The following CHST11 variants were observed in gnomAD, a reference collection of about 807,000 sequenced individuals.
The protein encoded by CHST11 is carbohydrate sulfotransferase 11.
A neutral mutation model predicts 30.4 loss-of-function variants in CHST11; 9 were observed. The ratio of observed to expected loss-of-function variants is 0.30; its 90% CI spans 0.18 to 0.52. The LOEUF is 0.52. CHST11 is among the 20% of genes least tolerant of loss of function. The pLI is 0.97. For synonymous variants in CHST11, 152 were observed against 187.8 expected, an observed-to-expected ratio of 0.81 and a Z score of 1.56; for missense variants, 348 against 460.6, an observed-to-expected ratio of 0.76 and a Z score of 2.24.
chr12:104,759,316 T>G lies in CHST11; in HGVS notation c.*1513T>G, dbSNP rs1014478472. On this transcript the variant is annotated 3_prime_UTR_variant, in exon 3 of 3. Transcript: ENST00000303694. ...GGAAGCCTGGAAACTTTTCATTTCC[T>G]GTTCCTTGCTAATTAACATCTAAAC... is the stretch of plus-strand genomic sequence containing the variant. The G allele has an allele frequency of 6.6e-6, 1 of 152,212 alleles. No homozygotes were observed. The highest frequency in any genetic ancestry group is 1.5e-5 in the Non-Finnish European group (1 of 68,032). 9.4% of individuals were successfully genotyped at this position (152,212 alleles called of 1,614,324 possible).
chr12:104,640,773 A>G (rs1809682838), intron 2 of CHST11, among the ~76,000 whole-genome samples: 1 of 152,182 alleles, frequency 6.6e-6, no homozygotes, highest in Non-Finnish European at 1.5e-5. Context: ...CAACATATGT[A>G]CCACACCAAT....
intron 2 of CHST11, among the ~76,000 whole-genome samples, chr12:104,646,647 C>T (rs889517395): frequency 9.2e-5 from 14 of 151,802 alleles, no homozygotes; most frequent in Admixed American, 6.6e-4. Flanking sequence ...TGCAGTGAGC[C>T]GAGATTGCGC....
intron 1 of CHST11, among the ~76,000 whole-genome samples, chr12:104,589,904 G>T (rs1223326023): frequency 6.6e-6 from 1 of 152,154 alleles, no homozygotes; most frequent in Non-Finnish European, 1.5e-5. Flanking sequence ...AGCTACTCGG[G>T]AGGCTGAGGC....
intron 2 of CHST11, among the ~76,000 whole-genome samples, chr12:104,667,264 C>T (rs751431954): frequency 1.9e-4 from 29 of 152,074 alleles, no homozygotes; most frequent in Non-Finnish European, 2.5e-4. Flanking sequence ...TTTGGCACCA[C>T]GGAGACCTAC....
chr12:104,583,137 G>A (rs1222784899), intron 1 of CHST11, among the ~76,000 whole-genome samples: 3 of 152,098 alleles, frequency 2.0e-5, no homozygotes, highest in Admixed American at 2.0e-4. Context: ...CAAGGCAACA[G>A]AAATCTTGTA....
intron 1 of CHST11, among the ~76,000 whole-genome samples, chr12:104,503,230 A>T (rs2037869712): frequency 6.6e-6 from 1 of 152,194 alleles, no homozygotes; most frequent in Non-Finnish European, 1.5e-5. Flanking sequence ...ATGACCTCGG[A>T]CAAGTCATTA....
At chr12:104,670,499 ACACT>A (rs1319101476) in intron 2 of CHST11, among the ~76,000 whole-genome samples, 8 of 150,162 alleles carry the variant, frequency 5.3e-5, no homozygotes, top group African/African-American at 1.2e-4. Flanking sequence ...ACACTCATAC[ACACT>A]CACACAAACA....
intron 1 of CHST11, among the ~76,000 whole-genome samples, chr12:104,501,614 A>G (rs905415995): frequency 1.3e-5 from 2 of 152,190 alleles, no homozygotes; most frequent in African/African-American, 4.8e-5. Flanking sequence ...CCTCCTTGGC[A>G]TTTGTGATTA....
At chr12:104,752,710 G>A (rs1372445142) in intron 2 of CHST11, among the ~76,000 whole-genome samples, 2 of 151,990 alleles carry the variant, frequency 1.3e-5, no homozygotes, top group Non-Finnish European at 2.9e-5. Flanking sequence ...TGTATTTTTA[G>A]TACAAATGGG....
intron 2 of CHST11, among the ~76,000 whole-genome samples, chr12:104,735,510 T>A (rs979038692): frequency 6.6e-6 from 1 of 152,034 alleles, no homozygotes. Context: ...AGCCTGGTGG[T>A]GGGGCTGGGT....
At chr12:104,738,860 G>T (rs914578114) in intron 2 of CHST11, among the ~76,000 whole-genome samples, 2 of 152,226 alleles carry the variant, frequency 1.3e-5, no homozygotes, top group Admixed American at 6.5e-5. Context: ...ATCATATCTT[G>T]CTTCAAACTG....
intron 2 of CHST11, among the ~76,000 whole-genome samples, chr12:104,751,388 AGGTTT>A (rs970661397): frequency 1.3e-5 from 2 of 152,248 alleles, no homozygotes; most frequent in African/African-American, 4.8e-5. Flanking sequence ...CTTTAAACAC[AGGTTT>A]GGTTTTGTTT....
intron 2 of CHST11, among the ~76,000 whole-genome samples, chr12:104,655,714 T>G (rs915182391): frequency 6.6e-6 from 1 of 152,192 alleles, no homozygotes; most frequent in Non-Finnish European, 1.5e-5. Flanking sequence ...ATTTTGAACC[T>G]AAGGAACACA....
intron 2 of CHST11, among the ~76,000 whole-genome samples, chr12:104,633,556 A>G (rs1033483353): frequency 6.6e-6 from 1 of 151,702 alleles, no homozygotes; most frequent in Non-Finnish European, 1.5e-5. Context: ...CTGGGATTAC[A>G]GGTGCCCGCC....
chr12:104,693,260 CAT>C (rs2039914749), intron 2 of CHST11, among the ~76,000 whole-genome samples: 1 of 152,198 alleles, frequency 6.6e-6, no homozygotes, highest in Non-Finnish European at 1.5e-5. Flanking sequence ...AAGACTTCAA[CAT>C]ATAAATTTGA....
intron 1 of CHST11, among the ~76,000 whole-genome samples, chr12:104,594,038 A>G (rs2038885233): frequency 6.6e-6 from 1 of 152,222 alleles, no homozygotes; most frequent in Admixed American, 6.5e-5. Flanking sequence ...ACCCTTTAGT[A>G]GAATATCTTT....
chr12:104,722,583 G>A (rs1028249388), intron 2 of CHST11, among the ~76,000 whole-genome samples: 11 of 152,046 alleles, frequency 7.2e-5, no homozygotes, highest in African/African-American at 1.7e-4. Flanking sequence ...TTTCTAACAC[G>A]TCATCGTTTC....
intron 1 of CHST11, among the ~76,000 whole-genome samples, chr12:104,554,054 C>T (rs1350079340): frequency 6.6e-6 from 1 of 152,158 alleles, no homozygotes; most frequent in African/African-American, 2.4e-5. Flanking sequence ...CACAACAAGG[C>T]AGCTTACTTC....
intron 1 of CHST11, among the ~76,000 whole-genome samples, chr12:104,509,156 T>C (rs2037937779): frequency 6.6e-6 from 1 of 152,240 alleles, no homozygotes; most frequent in Non-Finnish European, 1.5e-5. Flanking sequence ...TTTCCTGTGC[T>C]GTTCTTGTGA....
Sources: allele counts gnomAD v4.1 joint callset (sites outside exome capture counted in the v4.1 genomes callset), GRCh38; gene constraint gnomAD v4.1.1; transcripts MANE v1.5; gene names NCBI Gene and HGNC (gene_info 2026-07-23, HGNC 2026-07-21).